Variants in MECOM observed in about 807,000 individuals in gnomAD.
MECOM encodes histone-lysine N-methyltransferase MECOM.
MECOM carries 13 observed loss-of-function variants against 116.3 expected under a neutral mutation model. The ratio of observed to expected loss-of-function variants is 0.11; its 90% CI spans 0.07 to 0.18. The LOEUF is 0.18. Among genes scored for constraint, MECOM ranks in the 10% least tolerant of loss-of-function variants. The pLI is 1.00. For missense variants in MECOM, 1,299 were observed against 1,509.0 expected, an observed-to-expected ratio of 0.86 and a Z score of 2.31; for synonymous variants, 528 against 535.2, an observed-to-expected ratio of 0.99 and a Z score of 0.19.
chr3:169,483,588 T>C (rs1367301510), intron 1 of MECOM: 2 of 935,656 alleles, frequency 2.1e-6, no homozygotes, highest in East Asian at 2.6e-5. Flanking sequence ...CAATCCACAC[T>C]GCAGAGATAC....
At position 169,083,669 on chromosome 3, in the gene MECOM, A is replaced by G. The variant is rs1716854857; in HGVS notation, c.*1240T>C. On this transcript the variant is annotated 3_prime_UTR_variant, in exon 17 of 17. Transcript: ENST00000651503. ...AAGAAAACAAATCTGGTTCCTCAATAAAGGGCAAAATAACTGAATACAGTC... is the reference window on the plus strand; with the variant it reads ...AAGAAAACAAATCTGGTTCCTCAATGAAGGGCAAAATAACTGAATACAGTC... 5.0e-6 allele frequency: 1 copy of G among 201,100 alleles called. No homozygotes were observed. Among genetic ancestry groups the G allele is most frequent in the Non-Finnish European group, 1.0e-5 (1 of 97,298 alleles). 12.5% of individuals were successfully genotyped at this position (201,100 alleles called of 1,614,324 possible).
At position 169,348,083 on chromosome 3, in the gene MECOM, A is replaced by G. The variant is rs77680517; in HGVS notation, c.375+33104T>C. On this transcript the variant is annotated intron_variant, in intron 2 of 16. Transcript: ENST00000651503. ...GCAAGACACTGAGCCTTAAAAAAAA[A>G]TATTTCTAGCAACCGAAATAACTCT... Among the ~76,000 whole-genome samples, 4 of 152,160 alleles carry G rather than the reference A, an allele frequency of 2.6e-5. No homozygotes were observed. The South Asian group carries it at 8.3e-4, about 32-fold the overall frequency.
intron 1 of MECOM, among the ~76,000 whole-genome samples, chr3:169,425,685 C>A (rs1237313266): frequency 1.3e-5 from 2 of 152,018 alleles, no homozygotes; most frequent in Non-Finnish European, 2.9e-5. Flanking sequence ...TATTTAAAAG[C>A]CCACATTCTT....
At chr3:169,096,458 CAG>C (rs1204244920) in intron 12 of MECOM, among the ~76,000 whole-genome samples, 1 of 151,926 alleles carries the variant, frequency 6.6e-6, no homozygotes. Context: ...TTTGTAGAGA[CAG>C]AGTTTCACCA....
At chr3:169,149,909 A>G (rs947407664) in intron 2 of MECOM, among the ~76,000 whole-genome samples, 40 of 151,422 alleles carry the variant, frequency 2.6e-4, no homozygotes, top group African/African-American at 7.8e-4. Context: ...ACAAAACACT[A>G]AATCTTAATC....
At chr3:169,421,496 T>C (rs1739728399) in intron 1 of MECOM, among the ~76,000 whole-genome samples, 1 of 152,116 alleles carries the variant, frequency 6.6e-6, no homozygotes, top group Non-Finnish European at 1.5e-5. Flanking sequence ...TTGCCAGCTT[T>C]CTAGTGCATC....
intron 1 of MECOM, among the ~76,000 whole-genome samples, chr3:169,473,693 T>TG (rs972595715): frequency 6.6e-6 from 1 of 151,940 alleles, no homozygotes; most frequent in African/African-American, 2.4e-5. Context: ...CACTTGAATC[T>TG]GGGGGGCAGA....
At chr3:169,556,705 AG>A (rs1762068665) in intron 1 of MECOM, among the ~76,000 whole-genome samples, 1 of 152,100 alleles carries the variant, frequency 6.6e-6, no homozygotes, top group Non-Finnish European at 1.5e-5. Flanking sequence ...CCTTGAGGGG[AG>A]GCCAGCTGCC....
At chr3:169,290,088 C>G (rs1714207178) in intron 2 of MECOM, among the ~76,000 whole-genome samples, 1 of 152,120 alleles carries the variant, frequency 6.6e-6, no homozygotes, top group Non-Finnish European at 1.5e-5. Context: ...AGCCCCGATA[C>G]TACCCTAAAC....
chr3:169,480,089 T>C (rs1233517408), intron 1 of MECOM, among the ~76,000 whole-genome samples: 1 of 152,220 alleles, frequency 6.6e-6, no homozygotes, highest in East Asian at 1.9e-4. Context: ...TCATCACTAT[T>C]GGTATAAAAA....
At chr3:169,131,560 A>G (rs745616243) in intron 3 of MECOM, 29 bp from the exon 4 acceptor site, 28 of 1,553,458 alleles carry the variant, frequency 1.8e-5, no homozygotes, top group Non-Finnish European at 1.5e-5. Flanking sequence ...GGTGGATGGA[A>G]TCAGGAAAGA....
intron 1 of MECOM, among the ~76,000 whole-genome samples, chr3:169,464,319 A>G (rs1423169520): frequency 6.6e-6 from 1 of 152,204 alleles, no homozygotes; most frequent in Non-Finnish European, 1.5e-5. Flanking sequence ...TACACTTGGC[A>G]TGGGCATTTA....
At chr3:169,558,163 A>G (rs1762248911) in intron 1 of MECOM, among the ~76,000 whole-genome samples, 1 of 152,208 alleles carries the variant, frequency 6.6e-6, no homozygotes, top group Non-Finnish European at 1.5e-5. Context: ...TGCCACTCAC[A>G]GCAAATCAGA....
chr3:169,443,379 G>C (rs1055671225), intron 1 of MECOM, among the ~76,000 whole-genome samples: 2 of 152,074 alleles, frequency 1.3e-5, no homozygotes, highest in African/African-American at 4.8e-5. Context: ...GAAGGGAAGG[G>C]GGAAGAAATG....
At chr3:169,203,509 G>T (rs372779388) in intron 2 of MECOM, among the ~76,000 whole-genome samples, 1 of 151,894 alleles carries the variant, frequency 6.6e-6, no homozygotes, top group African/African-American at 2.4e-5. Flanking sequence ...ATGTCAATGA[G>T]GTAACAATAT....
chr3:169,291,136 T>G (rs191098173), intron 2 of MECOM, among the ~76,000 whole-genome samples: 3 of 152,286 alleles, frequency 2.0e-5, no homozygotes, highest in South Asian at 2.1e-4. Context: ...CATTTCATAT[T>G]ATTCAAACTT....
intron 1 of MECOM, among the ~76,000 whole-genome samples, chr3:169,586,190 G>A (rs1560463813): frequency 6.6e-6 from 1 of 152,218 alleles, no homozygotes; most frequent in Non-Finnish European, 1.5e-5. Context: ...AAGTAGGAAT[G>A]AGAATACTTG....
At chr3:169,654,526 C>A (rs1775293415) in intron 1 of MECOM, among the ~76,000 whole-genome samples, 1 of 152,164 alleles carries the variant, frequency 6.6e-6, no homozygotes, top group African/African-American at 2.4e-5. Context: ...TCCACAGTAG[C>A]CAAATGACTC....
intron 1 of MECOM, chr3:169,472,838 A>T: frequency 3.7e-6 from 1 of 272,488 alleles, no homozygotes; most frequent in Non-Finnish European, 5.6e-6. Flanking sequence ...TCATGTGTTT[A>T]ACCGACATAA....
Sources: gnomAD v4.1 joint callset for allele counts (sites outside exome capture counted in the v4.1 genomes callset) on GRCh38, gnomAD v4.1.1 for gene constraint, MANE v1.5 for transcripts, NCBI Gene and HGNC (gene_info 2026-07-23, HGNC 2026-07-21) for gene names.